The following MAP4 variants were observed in gnomAD, a reference collection of about 807,000 sequenced individuals.
The protein encoded by MAP4 is microtubule-associated protein 4.
In MAP4, 76 loss-of-function variants were observed where a neutral mutation model predicts 170.2. That is an observed-to-expected ratio of 0.45 (90% CI 0.37 to 0.54). The LOEUF (loss-of-function observed/expected upper bound fraction) is 0.54. Ranked by LOEUF, MAP4 falls within the 20% of genes least tolerant of loss-of-function variation. MAP4 has a pLI of 0.00. For missense variants in MAP4, 2,506 were observed against 2,748.0 expected (o/e 0.91, Z 1.97); for synonymous variants, 909 against 994.5 (o/e 0.91, Z 1.62).
chr3:47,871,105 G>T lies in MAP4; in HGVS notation c.6002C>A (p.Ala2001Asp). 5 of 1,606,604 alleles carry T rather than the reference G, an allele frequency of 3.1e-6. No homozygotes were observed. Among genetic ancestry groups the T allele is most frequent in the Non-Finnish European group, 4.3e-6 (5 of 1,174,386 alleles). ...GGTGCTCTTTGGGCGACTCAAGTCA[G>T]CTGCAAAGAAGGGAGTGAGAGATAA... ...VKKMTAKSVPADLSRPKSTST... is the reference protein window; with the variant it reads ...VKKMTAKSVPDDLSRPKSTST... Residue 2001 changes from alanine (A) to aspartate (D), a missense_variant and splice_region_variant, in exon 15 of 21, where the codon GCT (alanine) becomes GAT (aspartate). This residue lies in a region of MAP4 where 487 missense variants were observed against 511.6 expected (regional missense o/e 0.95). Transcript: ENST00000683076.
At chr3:47,908,111 T>G (rs1454742760) in intron 9 of MAP4, among the ~76,000 whole-genome samples, 4 of 151,346 alleles carry the variant, frequency 2.6e-5, no homozygotes, top group Non-Finnish European at 2.9e-5. Flanking sequence ...GATTAAGAAA[T>G]AGTGTCACTT....
chr3:47,877,625 A>G, intron 10 of MAP4, 102 bp from the exon 11 acceptor site: 2 of 718,262 alleles, frequency 2.8e-6, no homozygotes, highest in Non-Finnish European at 4.6e-6. Context: ...CTAGCACTTC[A>G]TTCTGAAAAA....
rs757460367 is a variant in MAP4 at position 47,966,228 on chromosome 3, CTTTTTTTTTTTTTTTTTTTTTTTTTT to C, written c.292+11611_292+11636del. ...AGCTGGGACTACAGGCCCACACTACCTTTTTTTTTTTTTTTTTTTTTTTTTTTTTTTTTTTTTGAGACAGAGTCTTG... is the reference window on the plus strand; with the variant it reads ...AGCTGGGACTACAGGCCCACACTACCTTTTTTTTTTTGAGACAGAGTCTTG... On this transcript the variant is annotated intron_variant, in intron 3 of 20. Coordinates refer to ENST00000683076, the MANE Select transcript of MAP4 (RefSeq NM_001385682.1). Among the ~76,000 whole-genome samples the C allele has an allele frequency of 2.8e-4, 14 of 50,262 alleles. No homozygotes were observed. The South Asian group carries it at 4.7e-3, about 17-fold the overall frequency. The allele number at this position is 50,262 out of a possible 152,430, so 33.0% of individuals were successfully genotyped here.
At chr3:47,945,697 G>A (rs2100059363) in intron 3 of MAP4, among the ~76,000 whole-genome samples, 1 of 151,744 alleles carries the variant, frequency 6.6e-6, no homozygotes, top group African/African-American at 2.4e-5. Flanking sequence ...TTTTTTTGCT[G>A]AATATTAAAA....
At chr3:47,935,464 A>G (rs974710604) in intron 3 of MAP4, among the ~76,000 whole-genome samples, 2 of 152,154 alleles carry the variant, frequency 1.3e-5, no homozygotes, top group Non-Finnish European at 2.9e-5. Flanking sequence ...GAAACTTAAG[A>G]TTTGTCTGCC....
intron 3 of MAP4, among the ~76,000 whole-genome samples, chr3:47,970,564 C>T (rs965882245): frequency 6.6e-6 from 1 of 151,964 alleles, no homozygotes; most frequent in African/African-American, 2.4e-5. Flanking sequence ...AATCCCAGCA[C>T]TTTGGGAGGC....
intron 10 of MAP4, chr3:47,891,435 T>G: frequency 2.6e-6 from 4 of 1,532,820 alleles, no homozygotes; most frequent in East Asian, 2.4e-5. Context: ...GAGCGCTTCA[T>G]AGCAGGAGCT....
At chr3:47,875,268 T>C (rs542156870) in intron 12 of MAP4, among the ~76,000 whole-genome samples, 7 of 152,242 alleles carry the variant, frequency 4.6e-5, no homozygotes, top group Admixed American at 2.0e-4. Context: ...CAAAAAAGAA[T>C]ATCTAACTGG....
At chr3:47,861,022 G>A (rs578071407) in intron 17 of MAP4, among the ~76,000 whole-genome samples, 60 of 152,028 alleles carry the variant, frequency 3.9e-4, no homozygotes, top group African/African-American at 1.4e-3. Context: ...TCAGGAGTTC[G>A]AGAACAGCCT....
intron 3 of MAP4, among the ~76,000 whole-genome samples, chr3:47,936,850 G>C (rs892212064): frequency 6.6e-6 from 1 of 151,680 alleles, no homozygotes; most frequent in Non-Finnish European, 1.5e-5. Flanking sequence ...CATGGTAGCG[G>C]GCTCCTGTAA....
intron 3 of MAP4, chr3:47,973,293 A>G (rs1026042017): frequency 2.4e-5 from 24 of 985,140 alleles, no homozygotes; most frequent in African/African-American, 3.5e-5. Flanking sequence ...AAGAGAAAGA[A>G]GGCATATGAA....
intron 1 of MAP4, among the ~76,000 whole-genome samples, chr3:48,005,902 G>A (rs1283278245): frequency 6.6e-6 from 1 of 152,204 alleles, no homozygotes; most frequent in Non-Finnish European, 1.5e-5. Flanking sequence ...TCCCAAGGTG[G>A]CAGGGGCCAA....
chr3:47,852,075 C>G lies in MAP4; in HGVS notation c.*859G>C, dbSNP rs1176173226. 1 of 152,794 alleles carries G rather than the reference C, an allele frequency of 6.5e-6. No homozygotes were observed. Among genetic ancestry groups the G allele is most frequent in the African/African-American group, 2.4e-5 (1 of 41,464 alleles). 9.5% of individuals were successfully genotyped at this position (152,794 alleles called of 1,614,324 possible). ...GCCTGACCGGCTCACCAGCCACAGC[C>G]TCTGCACCCCTCTTCCCTGCCGCAC... On this transcript the variant is annotated 3_prime_UTR_variant, in exon 21 of 21. Coordinates refer to ENST00000683076, the MANE Select transcript of MAP4 (RefSeq NM_001385682.1).
intron 10 of MAP4, among the ~76,000 whole-genome samples, chr3:47,896,912 G>A (rs1051375169): frequency 6.6e-6 from 1 of 152,178 alleles, no homozygotes; most frequent in African/African-American, 2.4e-5. Context: ...AAGTATGTGT[G>A]ACAGTACAGA....
rs1228479237 is a variant in MAP4, at chr3:47,871,964, C to G, written c.5894G>C (p.Gly1965Ala). 4.3e-6 allele frequency: 7 copies of G among 1,613,918 alleles called. No homozygotes were observed. The highest frequency in any genetic ancestry group is 5.9e-6 in the Non-Finnish European group (7 of 1,179,888). ...CGTGGAGGGGCTCCTACTGCTTGGG[C>G]CAGTTGAGGCAACAGCAGCAGCTGT... The part of the protein sequence containing the change: ...TTTAAAVAST[G>A]PSSRSPSTLL... The change falls in exon 13 of 21, where the codon GGC (glycine) becomes GCC (alanine). Residue 1965 changes from glycine (G) to alanine (A), a missense_variant. Physicochemically the swap from Gly to Ala is moderately conservative, Grantham distance 60. Around this residue, in one of 3 missense-constraint regions of MAP4, gnomAD observed 487 missense variants for 511.6 expected, o/e 0.95. Transcript: ENST00000683076.
At chr3:47,987,738 C>G (rs1269409941) in intron 2 of MAP4, among the ~76,000 whole-genome samples, 1 of 152,192 alleles carries the variant, frequency 6.6e-6, no homozygotes, top group African/African-American at 2.4e-5. Flanking sequence ...GTTGCTCAGG[C>G]AAAACCCCTG....
chr3:48,009,926 C>A (rs1007426238), intron 1 of MAP4, among the ~76,000 whole-genome samples: 1 of 152,180 alleles, frequency 6.6e-6, no homozygotes. Context: ...TTGGGCTCCT[C>A]CTCCCTTTAA....
chr3:48,010,746 A>G (rs2100104801), intron 1 of MAP4, among the ~76,000 whole-genome samples: 1 of 152,124 alleles, frequency 6.6e-6, no homozygotes, highest in South Asian at 2.1e-4. Context: ...ACCCACCCTT[A>G]ACTGGGTGGG....
chr3:47,852,805 C>G lies in MAP4; in HGVS notation c.*129G>C. On this transcript the variant is annotated 3_prime_UTR_variant, in exon 21 of 21. Coordinates refer to ENST00000683076, the MANE Select transcript of MAP4 (RefSeq NM_001385682.1). ...GCGCTCACTGGTCTAGTGGACAGCC[C>G]GGGAAAGGGGGCCAAGGACCCGGGA... is the stretch of plus-strand genomic sequence containing the variant. 1.3e-6 allele frequency: 2 copies of G among 1,549,522 alleles called. No individual in the cohort carries two copies. The highest frequency in any genetic ancestry group is 1.7e-6 in the Non-Finnish European group (2 of 1,147,000).
Sources: gnomAD v4.1 joint callset for allele counts (sites outside exome capture counted in the v4.1 genomes callset) on GRCh38, gnomAD v4.1.1 for gene constraint, gnomAD v4.1.1 regional missense constraint, MANE v1.5 for transcripts, NCBI Gene and HGNC (gene_info 2026-07-23, HGNC 2026-07-21) for gene names.